The following DNAJC1 variants were observed in gnomAD, a reference collection of about 807,000 sequenced individuals.
The protein encoded by DNAJC1 is dnaJ homolog subfamily C member 1.
A neutral mutation model predicts 76.6 loss-of-function variants in DNAJC1; 58 were observed. The ratio of observed to expected loss-of-function variants is 0.76; its 90% CI spans 0.61 to 0.94. The LOEUF (loss-of-function observed/expected upper bound fraction) is 0.94. Ranked by LOEUF, DNAJC1 falls within the 40% of genes least tolerant of loss-of-function variation. The probability of loss-of-function intolerance (pLI) is 0.00; values close to 1 mark genes in which losing one functional copy is unlikely to be tolerated. For synonymous variants in DNAJC1, 258 were observed against 267.9 expected, an observed-to-expected ratio of 0.96 and a Z score of 0.36; for missense variants, 689 against 677.3, an observed-to-expected ratio of 1.02 and a Z score of -0.19.
chr10:21,992,755 CTTAG>C (rs372705368), intron 1 of DNAJC1, among the ~76,000 whole-genome samples: 59 of 152,234 alleles, frequency 3.9e-4, no homozygotes, highest in African/African-American at 1.3e-3. Context: ...TATCTTATCC[CTTAG>C]TGTCACAAAA....
At chr10:21,838,748 A>G (rs892806135) in intron 8 of DNAJC1, among the ~76,000 whole-genome samples, 7 of 152,224 alleles carry the variant, frequency 4.6e-5, no homozygotes, top group African/African-American at 1.4e-4. Flanking sequence ...CAACAAGCAG[A>G]CCTAACAGAC....
chr10:21,898,217 T>C (rs1330375265), intron 7 of DNAJC1, among the ~76,000 whole-genome samples: 1 of 152,212 alleles, frequency 6.6e-6, no homozygotes, highest in African/African-American at 2.4e-5. Context: ...TCAATGAAGA[T>C]ATAAATAATT....
At chr10:21,764,159 A>C (rs971418036) in intron 10 of DNAJC1, among the ~76,000 whole-genome samples, 1 of 152,230 alleles carries the variant, frequency 6.6e-6, no homozygotes, top group African/African-American at 2.4e-5. Context: ...CTTGTTAAAT[A>C]AACTATGGGG....
chr10:21,859,311 CTAAAT>C (rs776979665), intron 8 of DNAJC1, among the ~76,000 whole-genome samples: 3 of 152,112 alleles, frequency 2.0e-5, no homozygotes, highest in Non-Finnish European at 4.4e-5. Context: ...TTGCATATGA[CTAAAT>C]TAAACACAGC....
At chr10:21,871,932 GC>G (rs1836111174) in intron 8 of DNAJC1, among the ~76,000 whole-genome samples, 1 of 151,946 alleles carries the variant, frequency 6.6e-6, no homozygotes, top group Admixed American at 6.6e-5. Context: ...ACTGTGCCCA[GC>G]CAAAATGTGC....
At chr10:21,932,057 C>T (rs1051264539) in intron 1 of DNAJC1, among the ~76,000 whole-genome samples, 1 of 152,140 alleles carries the variant, frequency 6.6e-6, no homozygotes, top group Non-Finnish European at 1.5e-5. Flanking sequence ...CACTCTGAGG[C>T]TGGGTGTGGT....
At chr10:21,889,709 C>G (rs1242064111) in intron 7 of DNAJC1, among the ~76,000 whole-genome samples, 1 of 152,252 alleles carries the variant, frequency 6.6e-6, no homozygotes, top group Middle Eastern at 3.4e-3. Flanking sequence ...CCCAGAAACA[C>G]TAACAGGCAC....
chr10:21,999,819 C>T (rs1838488538), intron 1 of DNAJC1, among the ~76,000 whole-genome samples: 1 of 152,164 alleles, frequency 6.6e-6, no homozygotes, highest in Non-Finnish European at 1.5e-5. Context: ...TTCTCTTTTA[C>T]GTTCACTCCC....
intron 1 of DNAJC1, among the ~76,000 whole-genome samples, chr10:21,987,763 C>A (rs973518670): frequency 6.6e-6 from 1 of 151,990 alleles, no homozygotes; most frequent in East Asian, 1.9e-4. Context: ...ACTCTTCTTT[C>A]CAAAGTAATA....
chr10:21,874,312 G>A (rs568174584), intron 8 of DNAJC1, among the ~76,000 whole-genome samples: 1 of 152,170 alleles, frequency 6.6e-6, no homozygotes, highest in African/African-American at 2.4e-5. Flanking sequence ...TACTCAAGAG[G>A]CTGAGGTGAG....
chr10:21,836,888 C>T (rs180720950), intron 8 of DNAJC1, among the ~76,000 whole-genome samples: 3 of 152,012 alleles, frequency 2.0e-5, no homozygotes, highest in African/African-American at 7.3e-5. Flanking sequence ...GGGAGAGCTC[C>T]CTCTCCCTCT....
At chr10:21,883,346 A>G (rs1194407160) in intron 7 of DNAJC1, among the ~76,000 whole-genome samples, 1 of 151,594 alleles carries the variant, frequency 6.6e-6, no homozygotes, top group Non-Finnish European at 1.5e-5. Context: ...CTTAATTACT[A>G]TAGTCAAACT....
At chr10:21,955,590 T>C (rs1168448912) in intron 1 of DNAJC1, among the ~76,000 whole-genome samples, 1 of 152,140 alleles carries the variant, frequency 6.6e-6, no homozygotes, top group African/African-American at 2.4e-5. Flanking sequence ...GAAACAGGCA[T>C]ACATTGTAGG....
chr10:21,914,338 T>C (rs1405895491), intron 6 of DNAJC1, among the ~76,000 whole-genome samples: 2 of 152,158 alleles, frequency 1.3e-5, no homozygotes, highest in Admixed American at 6.5e-5. Context: ...GCTCTGGAGG[T>C]AATAAGGACC....
intron 1 of DNAJC1, among the ~76,000 whole-genome samples, chr10:21,948,300 T>A (rs1477846779): frequency 6.6e-6 from 1 of 152,200 alleles, no homozygotes; most frequent in Non-Finnish European, 1.5e-5. Flanking sequence ...AATATGAATA[T>A]TTGAATTTCT....
In DNAJC1 at chr10:21,904,563, T is replaced by A. The variant is rs749879261; in HGVS notation, c.779A>T (p.Lys260Met). ...TTCAGTTCTAGTCAGTGCATCTTCC[T>A]TTTCCTTCAATCTTGTTTCTTTATA... Reference protein sequence around the residue: ...AKYKETRLKEKEDALTRTELE... With the variant: ...AKYKETRLKEMEDALTRTELE... Residue 260 changes from lysine (K) to methionine (M), a missense_variant, in exon 7 of 12, where the codon AAG (lysine) becomes ATG (methionine). Coordinates refer to ENST00000376980, the MANE Select transcript of DNAJC1 (RefSeq NM_022365.4). 6.2e-7 allele frequency: 1 copy of A among 1,606,732 alleles called. No homozygotes were observed. The highest frequency in any genetic ancestry group is 8.5e-7 in the Non-Finnish European group (1 of 1,176,614).
intron 8 of DNAJC1, among the ~76,000 whole-genome samples, chr10:21,858,096 C>G (rs961810373): frequency 1.3e-5 from 2 of 151,968 alleles, no homozygotes; most frequent in African/African-American, 4.8e-5. Flanking sequence ...GATATATAAC[C>G]TAGGTTTTAA....
At chr10:21,813,154 C>T (rs1835003459) in intron 8 of DNAJC1, among the ~76,000 whole-genome samples, 2 of 76,032 alleles carry the variant, frequency 2.6e-5, no homozygotes, top group Non-Finnish European at 4.7e-5. Context: ...TTACTTGTCT[C>T]TCTCTCTCTC....
At chr10:21,839,969 T>C (rs1835545904) in intron 8 of DNAJC1, among the ~76,000 whole-genome samples, 1 of 152,118 alleles carries the variant, frequency 6.6e-6, no homozygotes, top group Non-Finnish European at 1.5e-5. Context: ...ATAAATGTAA[T>C]CCAACATATA....
Sources: gnomAD v4.1 joint callset for allele counts (sites outside exome capture counted in the v4.1 genomes callset) on GRCh38, gnomAD v4.1.1 for gene constraint, MANE v1.5 for transcripts, NCBI Gene and HGNC (gene_info 2026-07-23, HGNC 2026-07-21) for gene names.